The following TBXAS1 variants were observed in gnomAD, a reference collection of about 807,000 sequenced individuals.
TBXAS1 encodes the protein thromboxane-A synthase.
In TBXAS1, 48 loss-of-function variants were observed where a neutral mutation model predicts 60.7. The observed-to-expected ratio is 0.79, with a 90% CI of 0.63 to 1.01. The LOEUF (loss-of-function observed/expected upper bound fraction) is 1.01. TBXAS1 is among the 50% of genes least tolerant of loss of function. TBXAS1 has a pLI of 0.00. For missense variants in TBXAS1, 685 were observed against 686.3 expected (o/e 1.00, Z 0.02); for synonymous variants, 287 against 269.7 (o/e 1.06, Z -0.63).
chr7:139,864,511 A>G (rs1801205758), intron 1 of TBXAS1, among the ~76,000 whole-genome samples: 1 of 152,182 alleles, frequency 6.6e-6, no homozygotes, highest in Non-Finnish European at 1.5e-5. Context: ...TAATTCTAAA[A>G]TTAATATGAA....
In TBXAS1 at chr7:139,829,436, G is replaced by A; in HGVS notation, c.46G>A (p.Val16Met). 6.2e-7 allele frequency: 1 copy of A among 1,614,048 alleles called. No homozygotes were observed. The highest frequency in any genetic ancestry group is 2.2e-5 in the East Asian group (1 of 44,886). Residue 16 changes from valine (V) to methionine (M), a missense_variant, in exon 1 of 13, where the codon GTG (valine) becomes ATG (methionine). By Grantham distance (21) the Val-to-Met change is conservative. Coordinates refer to ENST00000448866, the MANE Select transcript of TBXAS1 (RefSeq NM_001061.7). The stretch of plus-strand genomic sequence containing the variant: ...AAAATTGGAAGTGAATGGCCCCATG[G>A]TGACGGTGGCCCTGTCAGTGGCTCT... Reference protein sequence around the residue: ...FLKLEVNGPMVTVALSVALLA... With the variant: ...FLKLEVNGPMMTVALSVALLA...
At chr7:139,854,519 T>C (rs893743428) in intron 1 of TBXAS1, among the ~76,000 whole-genome samples, 1 of 152,110 alleles carries the variant, frequency 6.6e-6, no homozygotes, top group African/African-American at 2.4e-5. Flanking sequence ...TGGAGGATGA[T>C]AGGAGAAGCT....
intron 4 of TBXAS1, among the ~76,000 whole-genome samples, chr7:139,812,823 G>C (rs931405419): frequency 6.6e-6 from 1 of 152,122 alleles, no homozygotes; most frequent in Non-Finnish European, 1.5e-5. Context: ...TTGGGAGGCT[G>C]AGGCAGGTGT....
Position 140,020,096 on chromosome 7 carries a change from C to G in TBXAS1, c.1599C>G (p.Arg533=), listed in dbSNP as rs772299158. ...GTGTCTATATCAAGATCGTATCCCG[C>G]TGACACAGAAGGCTGCCGGGTGGGG... The part of the protein sequence containing the change: ...KNGVYIKIVS[R] Residue 533 remains arginine, a synonymous_variant, in exon 13 of 13, where the codon CGC becomes CGG. Coordinates refer to ENST00000448866, the MANE Select transcript of TBXAS1 (RefSeq NM_001061.7). The G allele has an allele frequency of 8.1e-6, 13 of 1,613,546 alleles. No individual in the cohort carries two copies. The South Asian group carries it at 1.4e-4, about 18-fold the overall frequency.
intron 5 of TBXAS1, among the ~76,000 whole-genome samples, chr7:139,945,627 T>C (rs1808640216): frequency 6.6e-6 from 1 of 152,252 alleles, no homozygotes; most frequent in Non-Finnish European, 1.5e-5. Flanking sequence ...CATGACAACA[T>C]GCAATAGTTA....
At chr7:139,822,827 T>C (rs1228015854) in intron 4 of TBXAS1, among the ~76,000 whole-genome samples, 2 of 152,154 alleles carry the variant, frequency 1.3e-5, no homozygotes, top group African/African-American at 2.4e-5. Flanking sequence ...ATCCCCCACC[T>C]AGCTGACCCG....
At chr7:139,948,903 C>A (rs1808972035) in intron 5 of TBXAS1, among the ~76,000 whole-genome samples, 1 of 152,182 alleles carries the variant, frequency 6.6e-6, no homozygotes, top group South Asian at 2.1e-4. Context: ...TGGCTATTGG[C>A]CAACATACAG....
intron 4 of TBXAS1, among the ~76,000 whole-genome samples, chr7:139,924,548 GGT>G (rs1806737878): frequency 6.6e-6 from 1 of 151,786 alleles, no homozygotes; most frequent in Non-Finnish European, 1.5e-5. Context: ...TACATATTCT[GGT>G]TATTATTCCC....
intron 12 of TBXAS1, among the ~76,000 whole-genome samples, chr7:140,018,229 C>A (rs188401774): frequency 6.6e-6 from 1 of 152,258 alleles, no homozygotes; most frequent in East Asian, 1.9e-4. Context: ...CCTGCCTTTG[C>A]GGGGTGGGGG....
rs529029669 is a variant in TBXAS1, at chr7:139,799,194, G to A, written c.-80+11768G>A. Among the ~76,000 whole-genome samples, 5 of 149,402 alleles carry A rather than the reference G, an allele frequency of 3.3e-5. No individual in the cohort carries two copies. In the South Asian group the frequency reaches 8.5e-4, roughly 25 times the overall value. ...AGCAGTCCTCTCACCTTAGCCTCCCGAGAAGCTGACACCACAGGTGCACGC... is the reference window on the plus strand; with the variant it reads ...AGCAGTCCTCTCACCTTAGCCTCCCAAGAAGCTGACACCACAGGTGCACGC... On this transcript the variant is annotated intron_variant, in intron 4 of 16. Coordinates refer to the TBXAS1 transcript ENST00000336425.
intron 3 of TBXAS1, among the ~76,000 whole-genome samples, chr7:139,892,785 T>C (rs1206372512): frequency 6.6e-6 from 1 of 152,146 alleles, no homozygotes; most frequent in Non-Finnish European, 1.5e-5. Flanking sequence ...GCCTGCATCT[T>C]GGGGAGTCTG....
intron 9 of TBXAS1, among the ~76,000 whole-genome samples, chr7:139,998,810 G>T (rs1319069977): frequency 6.6e-6 from 1 of 152,192 alleles, no homozygotes; most frequent in East Asian, 1.9e-4. Flanking sequence ...ACGCAGCCTG[G>T]TTTATGTTTT....
At chr7:139,918,792 A>G (rs1806203970) in intron 4 of TBXAS1, among the ~76,000 whole-genome samples, 1 of 152,078 alleles carries the variant, frequency 6.6e-6, no homozygotes, top group Non-Finnish European at 1.5e-5. Flanking sequence ...TGACCCCTCG[A>G]GCTGTGGACA....
At chr7:139,989,356 G>A (rs1812729801) in intron 9 of TBXAS1, among the ~76,000 whole-genome samples, 1 of 152,192 alleles carries the variant, frequency 6.6e-6, no homozygotes, top group African/African-American at 2.4e-5. Flanking sequence ...ACTTCCGTGG[G>A]CCCAGTGCCA....
intron 9 of TBXAS1, among the ~76,000 whole-genome samples, chr7:139,971,604 G>A (rs1371121885): frequency 6.6e-6 from 1 of 152,002 alleles, no homozygotes; most frequent in Non-Finnish European, 1.5e-5. Flanking sequence ...ACCTTCCTCT[G>A]CCCCTACTCA....
intron 4 of TBXAS1, among the ~76,000 whole-genome samples, chr7:139,809,795 C>T (rs1052169738): frequency 2.0e-5 from 3 of 152,206 alleles, no homozygotes; most frequent in East Asian, 3.9e-4. Context: ...GGGTGGTGCC[C>T]GTCCATGTTG....
rs1806030595 is a variant in TBXAS1 at position 139,916,925 on chromosome 7, A to G, written c.333+5604A>G. 6.6e-6 allele frequency among the ~76,000 whole-genome samples: 1 copy of G among 152,228 alleles called. No individual in the cohort carries two copies. Among genetic ancestry groups the G allele is most frequent in the Non-Finnish European group, 1.5e-5 (1 of 68,040 alleles). The stretch of plus-strand genomic sequence containing the variant: ...CCTTGAACTCATTCCTACACCTGTA[A>G]CCACTGACAGTTTTTGAAAACTGTT... On this transcript the variant is annotated intron_variant, in intron 4 of 12. Coordinates refer to ENST00000448866, the MANE Select transcript of TBXAS1 (RefSeq NM_001061.7). This position sits in a 1 kb window ranked among gnomAD's most constrained non-coding sequence, Gnocchi z 4.2.
rs1190406690 is a variant in TBXAS1 at position 139,916,179 on chromosome 7, C to G, written c.333+4858C>G. The stretch of plus-strand genomic sequence containing the variant: ...TATCTGTGGAAAATGGAGCTGAGTC[C>G]ACATGACTCAGCAGAAATGGTCACA... On this transcript the variant is annotated intron_variant, in intron 4 of 12. Transcript: ENST00000448866. This position sits in a 1 kb window ranked among gnomAD's most constrained non-coding sequence, Gnocchi z 4.2. Among the ~76,000 whole-genome samples, 1 of 152,150 alleles carries G rather than the reference C, an allele frequency of 6.6e-6. No individual in the cohort carries two copies. Among genetic ancestry groups the G allele is most frequent in the East Asian group, 1.9e-4 (1 of 5,198 alleles).
intron 4 of TBXAS1, among the ~76,000 whole-genome samples, chr7:139,925,634 T>C (rs12535462): frequency 6.6e-6 from 1 of 152,338 alleles, no homozygotes; most frequent in South Asian, 2.1e-4. Flanking sequence ...GATACGTTTA[T>C]TTCATTCTCT....
Sources: gnomAD v4.1 joint callset for allele counts (sites outside exome capture counted in the v4.1 genomes callset) on GRCh38, gnomAD v4.1.1 for gene constraint, Gnocchi (gnomAD v3.1) non-coding constraint, MANE v1.5 for transcripts, NCBI Gene and HGNC (gene_info 2026-07-23, HGNC 2026-07-21) for gene names.